HEMK2: variants seen among roughly 807,000 people sequenced by gnomAD.
HEMK2 encodes HemK methyltransferase 2, ETF1 glutamine and histone H4 lysine.
the HEMK2 span, among the ~76,000 whole-genome samples, chr21:28,642,802 T>C: frequency 6.6e-6 from 1 of 152,180 alleles, no homozygotes; most frequent in African/African-American, 2.4e-5. Flanking sequence ...CTCTGCTCAC[T>C]GCTCAGCTGC....
At chr21:28,831,463 G>GA in the HEMK2 span, among the ~76,000 whole-genome samples, 625 of 10,808 alleles carry the variant, frequency 0.058, 46 homozygotes, top group African/African-American at 0.13. Flanking sequence ...AGAAAAGAAC[G>GA]AAAGAAAGAA....
chr21:28,867,550 CCA>C, the HEMK2 span, among the ~76,000 whole-genome samples: 1 of 152,154 alleles, frequency 6.6e-6, no homozygotes, highest in Non-Finnish European at 1.5e-5. Context: ...AATTAGTCTG[CCA>C]CAGTTTCACT....
the HEMK2 span, among the ~76,000 whole-genome samples, chr21:28,679,826 G>A: frequency 6.6e-6 from 1 of 152,224 alleles, no homozygotes; most frequent in African/African-American, 2.4e-5. Flanking sequence ...AATGAAGGCA[G>A]AAATAAAGAT....
chr21:28,813,933 G>T, the HEMK2 span, among the ~76,000 whole-genome samples: 1 of 152,060 alleles, frequency 6.6e-6, no homozygotes, highest in Non-Finnish European at 1.5e-5. Flanking sequence ...AACACAAGAT[G>T]GATTAAAGAC....
At chr21:28,588,034 T>C in the HEMK2 span, among the ~76,000 whole-genome samples, 1 of 152,190 alleles carries the variant, frequency 6.6e-6, no homozygotes, top group African/African-American at 2.4e-5. Context: ...GGGTGTTCTC[T>C]CTTCTTCCCC....
At chr21:28,826,208 T>C in the HEMK2 span, among the ~76,000 whole-genome samples, 1 of 152,172 alleles carries the variant, frequency 6.6e-6, no homozygotes, top group Non-Finnish European at 1.5e-5. Context: ...TTGACAGTCA[T>C]CACACACACT....
At chr21:28,839,000 T>TACACACAC in the HEMK2 span, among the ~76,000 whole-genome samples, 38 of 58,018 alleles carry the variant, frequency 6.5e-4, no homozygotes, top group African/African-American at 2.4e-3. Context: ...TATATATATA[T>TACACACAC]ACATATATAT....
chr21:28,791,236 G>A, the HEMK2 span, among the ~76,000 whole-genome samples: 1 of 152,106 alleles, frequency 6.6e-6, no homozygotes. Flanking sequence ...TTTAAAAAGT[G>A]ATTTCATTAT....
the HEMK2 span, among the ~76,000 whole-genome samples, chr21:28,648,030 T>G: frequency 6.6e-6 from 1 of 152,216 alleles, no homozygotes; most frequent in Non-Finnish European, 1.5e-5. Flanking sequence ...ATAATGCAAA[T>G]CACTAGTCAG....
At chr21:28,645,479 A>G in the HEMK2 span, among the ~76,000 whole-genome samples, 3 of 152,200 alleles carry the variant, frequency 2.0e-5, no homozygotes, top group Admixed American at 1.3e-4. Context: ...AAATTGACAC[A>G]AATTCCAAAG....
chr21:28,775,791 G>A, the HEMK2 span, among the ~76,000 whole-genome samples: 1 of 152,068 alleles, frequency 6.6e-6, no homozygotes, highest in Non-Finnish European at 1.5e-5. Context: ...TTAAATAAAT[G>A]GTGAGTGAGA....
the HEMK2 span, among the ~76,000 whole-genome samples, chr21:28,841,406 A>AAATATTATATATAT: frequency 8.3e-3 from 285 of 34,442 alleles, 21 homozygotes; most frequent in African/African-American, 0.055. Context: ...TATATATATA[A>AAATATTATATATAT]TATATATATT....
At chr21:28,596,365 A>C in the HEMK2 span, among the ~76,000 whole-genome samples, 3 of 152,266 alleles carry the variant, frequency 2.0e-5, no homozygotes, top group African/African-American at 7.2e-5. Context: ...CTTAGCCTAA[A>C]TTAGGCAAAT....
chr21:28,775,080 C>T, the HEMK2 span, among the ~76,000 whole-genome samples: 49 of 152,212 alleles, frequency 3.2e-4, no homozygotes, highest in Non-Finnish European at 4.6e-4. Context: ...TCCTTTTATT[C>T]GGTTTTCATT....
the HEMK2 span, among the ~76,000 whole-genome samples, chr21:28,732,733 C>T: frequency 6.6e-6 from 1 of 152,146 alleles, no homozygotes; most frequent in African/African-American, 2.4e-5. Context: ...CCAGTATGTG[C>T]ACCCAAATCA....
chr21:28,671,993 A>T, the HEMK2 span, among the ~76,000 whole-genome samples: 13 of 152,152 alleles, frequency 8.5e-5, no homozygotes, highest in African/African-American at 2.9e-4. Flanking sequence ...GAGCAGAACA[A>T]CTCAAGACCC....
chr21:28,607,016 A>G, the HEMK2 span, among the ~76,000 whole-genome samples: 1 of 152,320 alleles, frequency 6.6e-6, no homozygotes, highest in South Asian at 2.1e-4. Flanking sequence ...ACACATATCA[A>G]TGAGTAGGAT....
chr21:28,647,847 C>T, the HEMK2 span, among the ~76,000 whole-genome samples: 12 of 152,326 alleles, frequency 7.9e-5, no homozygotes, highest in African/African-American at 2.9e-4. Flanking sequence ...TCAGAGGATG[C>T]ACAGGCATTA....
the HEMK2 span, among the ~76,000 whole-genome samples, chr21:28,777,978 C>A: frequency 1.3e-5 from 2 of 152,140 alleles, no homozygotes; most frequent in Admixed American, 6.5e-5. Flanking sequence ...TGAAAACATT[C>A]TCAGTAGTAG....
Sources: allele counts gnomAD v4.1 joint callset (sites outside exome capture counted in the v4.1 genomes callset), GRCh38; gene constraint gnomAD v4.1.1; transcripts MANE v1.5; gene names NCBI Gene and HGNC (gene_info 2026-07-23, HGNC 2026-07-21).